The following OR3A2 variants were observed in gnomAD, a reference collection of about 807,000 sequenced individuals.
OR3A2 encodes olfactory receptor 3A2.
For synonymous variants in OR3A2, 126 were observed against 159.3 expected (o/e 0.79, Z 1.57); for missense variants, 318 against 392.8 (o/e 0.81, Z 1.61).
chr17:3,297,448 TCTAA>T (rs1359293986), intron 3 of OR3A2, among the ~76,000 whole-genome samples: 3 of 147,828 alleles, frequency 2.0e-5, no homozygotes, highest in South Asian at 2.1e-4. Flanking sequence ...TGGAACATCC[TCTAA>T]CTAATTCTAA....
chr17:3,357,723 AT>A lies in OR3A2; in HGVS notation c.-178-21598del, dbSNP rs147628720. 9.3e-3 allele frequency among the ~76,000 whole-genome samples: 1,408 copies of A among 151,274 alleles called. 66 individuals carry two copies. Among genetic ancestry groups the A allele is most frequent in the African/African-American group, 0.032 (1,319 of 40,840 alleles). On this transcript the variant is annotated intron_variant, in intron 2 of 4. Coordinates refer to the OR3A2 transcript ENST00000573491. ...GTTAAAATGGTGTATATAATTTTTA[AT>A]TTTTTTTATAGAGAGACAGGGTCTT...
chr17:3,310,679 T>A (rs779298564), intron 3 of OR3A2: 1 of 544,160 alleles, frequency 1.8e-6, no homozygotes, highest in East Asian at 5.2e-5. Context: ...TCATGGCCTA[T>A]GACCGCTATC....
intron 1 of OR3A2, among the ~76,000 whole-genome samples, chr17:3,281,397 C>A (rs1187922150): frequency 6.6e-6 from 1 of 152,084 alleles, no homozygotes; most frequent in Non-Finnish European, 1.5e-5. Flanking sequence ...CCACGCCCAG[C>A]TAATTTTTTT....
At chr17:3,315,168 G>A (rs1255505527) in intron 3 of OR3A2, among the ~76,000 whole-genome samples, 1 of 152,154 alleles carries the variant, frequency 6.6e-6, no homozygotes, top group Admixed American at 6.6e-5. Context: ...GTGTCTTTGT[G>A]GTAGAATGAT....
chr17:3,370,833 C>G (rs1305591407), intron 2 of OR3A2, among the ~76,000 whole-genome samples: 10 of 151,160 alleles, frequency 6.6e-5, no homozygotes, highest in African/African-American at 1.2e-4. Context: ...TGACTCTTAA[C>G]GAGCATGCTG....
chr17:3,311,119 C>T lies in OR3A2; in HGVS notation c.-85+24914G>A, dbSNP rs371873483. On this transcript the variant is annotated intron_variant, in intron 3 of 4. Coordinates refer to the OR3A2 transcript ENST00000573491. The surrounding 1 kb of genome is among the most constrained non-coding windows in gnomAD (Gnocchi z 4.6). Reference sequence around the variant, plus strand: ...TACACAAGGCTGGGTTCAGTGGAGTCTTCGGACAAGGACAAGGGCATTGGC... The same window carrying T: ...TACACAAGGCTGGGTTCAGTGGAGTTTTCGGACAAGGACAAGGGCATTGGC... 11 of 541,672 alleles carry T rather than the reference C, an allele frequency of 2.0e-5. No individual in the cohort carries two copies. Among genetic ancestry groups the T allele is most frequent in the African/African-American group, 1.7e-4 (9 of 52,042 alleles). The allele number at this position is 541,672 out of a possible 1,614,324, so 33.6% of individuals were successfully genotyped here.
At chr17:3,337,248 G>A (rs1012248964) in intron 2 of OR3A2, among the ~76,000 whole-genome samples, 2 of 152,084 alleles carry the variant, frequency 1.3e-5, no homozygotes, top group South Asian at 2.1e-4. Flanking sequence ...CACTACTATC[G>A]TTCTCCAGAA....
At chr17:3,300,845 C>T (rs2048959201) in intron 3 of OR3A2, among the ~76,000 whole-genome samples, 1 of 143,658 alleles carries the variant, frequency 7.0e-6, no homozygotes. Context: ...TCCCCCCTCC[C>T]CCCATCCCAC....
chr17:3,386,275 G>C (rs769692333), exon 1 of OR3A2: 1 of 398,522 alleles, frequency 2.5e-6, no homozygotes, highest in Non-Finnish European at 4.4e-6. Context: ...CTACCTCCTG[G>C]CGGCCATGTC....
chr17:3,308,346 C>T (rs941137495), intron 3 of OR3A2, among the ~76,000 whole-genome samples: 3 of 152,180 alleles, frequency 2.0e-5, no homozygotes, highest in Non-Finnish European at 2.9e-5. Context: ...GCTGCTGGGC[C>T]GGCGGGACTG....
At chr17:3,345,693 G>C (rs571858838) in intron 2 of OR3A2, among the ~76,000 whole-genome samples, 20 of 152,106 alleles carry the variant, frequency 1.3e-4, no homozygotes, top group Non-Finnish European at 2.8e-4. Flanking sequence ...ATGGATAATA[G>C]GAGATAAATG....
chr17:3,320,472 G>C (rs1202208473), intron 3 of OR3A2, among the ~76,000 whole-genome samples: 3 of 125,586 alleles, frequency 2.4e-5, no homozygotes, highest in African/African-American at 8.6e-5. Context: ...GTCCTGAATG[G>C]TATTGCATAG....
intron 3 of OR3A2, among the ~76,000 whole-genome samples, chr17:3,299,722 T>C (rs1451756659): frequency 6.6e-6 from 1 of 152,164 alleles, no homozygotes; most frequent in African/African-American, 2.4e-5. Context: ...ACTGACGTGG[T>C]GTACACTCAC....
intron 2 of OR3A2, among the ~76,000 whole-genome samples, chr17:3,370,868 C>G (rs1198110449): frequency 2.0e-5 from 3 of 152,038 alleles, no homozygotes; most frequent in Non-Finnish European, 1.5e-5. Flanking sequence ...TTTAACAAAG[C>G]ACATCTTGCA....
intron 3 of OR3A2, among the ~76,000 whole-genome samples, chr17:3,312,180 G>T (rs2049049675): frequency 6.6e-6 from 1 of 152,066 alleles, no homozygotes; most frequent in South Asian, 2.1e-4. Context: ...TATGATGTGG[G>T]TCAGGTAGCG....
At chr17:3,313,774 T>C (rs971292262) in intron 3 of OR3A2, among the ~76,000 whole-genome samples, 2 of 152,222 alleles carry the variant, frequency 1.3e-5, no homozygotes, top group South Asian at 4.1e-4. Context: ...TCTTCCCAGC[T>C]AGGTTATAAT....
intron 2 of OR3A2, among the ~76,000 whole-genome samples, chr17:3,360,694 T>G (rs542585550): frequency 9.2e-5 from 14 of 151,840 alleles, no homozygotes; most frequent in South Asian, 2.1e-4. Flanking sequence ...CCATTGCTTG[T>G]TTTTCTCAGG....
intron 2 of OR3A2, among the ~76,000 whole-genome samples, chr17:3,343,994 G>C (rs16952933): frequency 0.15 from 23,047 of 152,124 alleles, 2,322 homozygotes; most frequent in African/African-American, 0.28. Flanking sequence ...TGTCTAGGAA[G>C]TTTTTCTCAT....
chr17:3,307,459 C>T (rs2150629127), intron 3 of OR3A2, among the ~76,000 whole-genome samples: 1 of 152,364 alleles, frequency 6.6e-6, no homozygotes, highest in South Asian at 2.1e-4. Flanking sequence ...CAAAGAGCTT[C>T]TTCCAAACCT....
Sources: gnomAD v4.1 joint callset for allele counts (sites outside exome capture counted in the v4.1 genomes callset) on GRCh38, gnomAD v4.1.1 for gene constraint, Gnocchi (gnomAD v3.1) non-coding constraint, MANE v1.5 for transcripts, NCBI Gene and HGNC (gene_info 2026-07-23, HGNC 2026-07-21) for gene names.